WNT5A: variants seen among roughly 807,000 people sequenced by gnomAD.
WNT5A encodes the protein Wnt family member 5A.
In WNT5A, 9 loss-of-function variants were observed where a neutral mutation model predicts 42.1. The ratio of observed to expected loss-of-function variants is 0.21; its 90% CI spans 0.13 to 0.37. The LOEUF (loss-of-function observed/expected upper bound fraction) is 0.37. WNT5A is among the 10% of genes least tolerant of loss of function. The pLI, the probability that WNT5A is intolerant of heterozygous loss-of-function variation, is 1.00. For synonymous variants in WNT5A, 210 were observed against 210.0 expected (o/e 1.00, Z 0.00); for missense variants, 426 against 534.0 (o/e 0.80, Z 1.99).
upstream of WNT5A, among the ~76,000 whole-genome samples, chr3:55,489,429 TCCCCCACCTCCA>T (rs1229547822): frequency 6.6e-6 from 1 of 151,614 alleles, no homozygotes; most frequent in African/African-American, 2.4e-5. Context: ...CCTCCAGTCC[TCCCCCACCTCCA>T]CCCCCACACC....
chr3:55,487,921 TC>T (rs771387621), upstream of WNT5A: 355 of 145,252 alleles, frequency 2.4e-3, 1 homozygote, highest in African/African-American at 6.6e-3. Flanking sequence ...AGACGCGGGC[TC>T]CCCCCCCCCA....
intron 4 of WNT5A, among the ~76,000 whole-genome samples, chr3:55,472,918 C>T (rs1428625487): frequency 6.6e-6 from 1 of 152,130 alleles, no homozygotes; most frequent in Non-Finnish European, 1.5e-5. Context: ...CAAGTGTTCA[C>T]AATTTCACAT....
the WNT5A span, chr3:55,501,876 T>C: frequency 1.3e-5 from 2 of 152,356 alleles, no homozygotes; most frequent in Middle Eastern, 6.8e-3. Context: ...TATTCCTTTC[T>C]GTCCACCTGA....
the WNT5A span, among the ~76,000 whole-genome samples, chr3:55,495,580 T>TCCC: frequency 6.6e-5 from 10 of 152,208 alleles, no homozygotes; most frequent in African/African-American, 2.4e-4. Context: ...CCTTATCAAT[T>TCCC]CCCATTGATG....
At chr3:55,485,869 T>C (rs2051569476) in intron 1 of WNT5A, among the ~76,000 whole-genome samples, 1 of 152,080 alleles carries the variant, frequency 6.6e-6, no homozygotes, top group African/African-American at 2.4e-5. Flanking sequence ...TTTTTTTAAC[T>C]TTTTGGGGGG....
At chr3:55,490,595 G>C (rs1046597901), upstream of WNT5A, 1 of 152,186 alleles carries the variant, frequency 6.6e-6, no homozygotes, top group Non-Finnish European at 1.5e-5. Flanking sequence ...TGAAAATCAG[G>C]GCAGTACTGA....
intron 1 of WNT5A, among the ~76,000 whole-genome samples, chr3:55,484,477 G>A (rs760773169): frequency 1.4e-4 from 21 of 152,192 alleles, no homozygotes; most frequent in Non-Finnish European, 2.5e-4. Flanking sequence ...CGGGGTAGGG[G>A]AGGAGGGAAT....
At position 55,467,049 on chromosome 3, in the gene WNT5A, C is replaced by G. The variant is rs963037529; in HGVS notation, c.*3043G>C. ...ATTAATTGCACTTAACACAATGAACCTTTAGTTTCCAACCAGTTTTCATTC... is the reference window on the plus strand; with the variant it reads ...ATTAATTGCACTTAACACAATGAACGTTTAGTTTCCAACCAGTTTTCATTC... On this transcript the variant is annotated 3_prime_UTR_variant, in exon 5 of 5. Coordinates refer to ENST00000264634, the MANE Select transcript of WNT5A (RefSeq NM_003392.7). 6.6e-6 allele frequency: 1 copy of G among 152,136 alleles called. No individual in the cohort carries two copies. The highest frequency in any genetic ancestry group is 2.4e-5 in the African/African-American group (1 of 41,414). The allele number at this position is 152,136 out of a possible 1,614,324, so 9.4% of individuals were successfully genotyped here.
At chr3:55,489,645 A>G (rs969143430), upstream of WNT5A, among the ~76,000 whole-genome samples, 1 of 151,908 alleles carries the variant, frequency 6.6e-6, no homozygotes, top group African/African-American at 2.4e-5. Context: ...CCTCCCACCA[A>G]CTTGCTTTCT....
chr3:55,493,797 C>T (rs2051687173), upstream of WNT5A: 1 of 152,258 alleles, frequency 6.6e-6, no homozygotes, highest in Non-Finnish European at 1.5e-5. Flanking sequence ...TCTGGTTTCC[C>T]ATATGTGTCC....
rs553565929 is a variant in WNT5A at position 55,477,571 on chromosome 3, C to A, written c.391+1743G>T. Among the ~76,000 whole-genome samples the A allele has an allele frequency of 4.6e-5, 7 of 152,276 alleles. No individual in the cohort carries two copies. In the South Asian group the frequency reaches 1.2e-3, roughly 27 times the overall value. On this transcript the variant is annotated intron_variant, in intron 3 of 4. Coordinates refer to ENST00000264634, the MANE Select transcript of WNT5A (RefSeq NM_003392.7). ...ACAGTAGTGCCGTGCAGCTGAAGACCAGAGAGCATACTTTCCAGGGACAAT... is the reference window on the plus strand; with the variant it reads ...ACAGTAGTGCCGTGCAGCTGAAGACAAGAGAGCATACTTTCCAGGGACAAT...
rs1331035763 is a variant in WNT5A at position 55,479,987 on chromosome 3, G to A, written c.141-423C>T. Among the ~76,000 whole-genome samples, 2 of 152,092 alleles carry A rather than the reference G, an allele frequency of 1.3e-5. 1 individual carries two copies. Among genetic ancestry groups the A allele is most frequent in the South Asian group, 4.1e-4 (2 of 4,822 alleles). Reference sequence around the variant, plus strand: ...TGAAAGTAGACACAATTAGATACGGGTAGGAGATAGCAGTTCCTTTTGACT... The same window carrying A: ...TGAAAGTAGACACAATTAGATACGGATAGGAGATAGCAGTTCCTTTTGACT... On this transcript the variant is annotated intron_variant, in intron 2 of 4. Coordinates refer to ENST00000264634, the MANE Select transcript of WNT5A (RefSeq NM_003392.7).
chr3:55,487,206 T>G lies in WNT5A; in HGVS notation c.-221A>C, dbSNP rs1191247717. ...GGCAGAGCTGGGATGCGCCCAGGAA[T>G]GGAGGGGGCGCGGACGCGCGCGAGC... On this transcript the variant is annotated 5_prime_UTR_variant, in exon 1 of 5. Coordinates refer to ENST00000264634, the MANE Select transcript of WNT5A (RefSeq NM_003392.7). 3 of 496,382 alleles carry G rather than the reference T, an allele frequency of 6.0e-6. No individual in the cohort carries two copies. Among genetic ancestry groups the G allele is most frequent in the East Asian group, 3.5e-5 (1 of 28,974 alleles). 30.7% of individuals were successfully genotyped at this position (496,382 alleles called of 1,614,324 possible). A position where few individuals can be genotyped will look rare whatever the true frequency, so the allele number is the denominator to read the frequency against.
upstream of WNT5A, chr3:55,490,289 A>G (rs530996001): frequency 5.2e-4 from 79 of 152,368 alleles, no homozygotes; most frequent in Admixed American, 4.8e-3. Context: ...TATCTGGATA[A>G]TCACCTGCTT....
At chr3:55,472,632 G>A (rs2051274735) in intron 4 of WNT5A, among the ~76,000 whole-genome samples, 1 of 152,074 alleles carries the variant, frequency 6.6e-6, no homozygotes, top group Non-Finnish European at 1.5e-5. Flanking sequence ...TGAGAAAGGA[G>A]AGGCCACACT....
At chr3:55,475,104 T>G (rs1559554485) in intron 3 of WNT5A, among the ~76,000 whole-genome samples, 2 of 152,080 alleles carry the variant, frequency 1.3e-5, no homozygotes, top group Non-Finnish European at 2.9e-5. Flanking sequence ...GCTCAGCCAT[T>G]TCAGAGCTGC....
In WNT5A at chr3:55,468,139, A is replaced by T. The variant is rs1030309580; in HGVS notation, c.*1953T>A. The stretch of plus-strand genomic sequence containing the variant: ...CTGTTTGGAAAGAGGTGTCCTTATT[A>T]AAAAAAAAAAAAAAAAAGCTATCTA... On this transcript the variant is annotated 3_prime_UTR_variant, in exon 5 of 5. Coordinates refer to ENST00000264634, the MANE Select transcript of WNT5A (RefSeq NM_003392.7). 1 of 10,136 alleles carries T rather than the reference A, an allele frequency of 9.9e-5. No homozygotes were observed. Among genetic ancestry groups the T allele is most frequent in the Non-Finnish European group, 1.9e-4 (1 of 5,204 alleles). 0.6% of individuals were successfully genotyped at this position (10,136 alleles called of 1,614,324 possible). A position where few individuals can be genotyped will look rare whatever the true frequency, so the allele number is the denominator to read the frequency against.
At chr3:55,503,803 G>T in the WNT5A span, among the ~76,000 whole-genome samples, 8 of 152,108 alleles carry the variant, frequency 5.3e-5, no homozygotes, top group African/African-American at 9.7e-5. Context: ...AAAAAAATTA[G>T]CTGGGCATGG....
chr3:55,473,600 C>T (rs2106910031), intron 4 of WNT5A, among the ~76,000 whole-genome samples: 1 of 152,322 alleles, frequency 6.6e-6, no homozygotes, highest in East Asian at 1.9e-4. Flanking sequence ...TCTCTTCTCT[C>T]CAGAGCTACT....
Sources: allele counts gnomAD v4.1 joint callset (sites outside exome capture counted in the v4.1 genomes callset), GRCh38; gene constraint gnomAD v4.1.1; transcripts MANE v1.5; gene names NCBI Gene and HGNC (gene_info 2026-07-23, HGNC 2026-07-21).